Variants in TET1 observed in about 807,000 individuals in gnomAD.
The protein encoded by TET1 is methylcytosine dioxygenase TET1.
In TET1, 13 loss-of-function variants were observed where a neutral mutation model predicts 148.7. The observed-to-expected ratio is 0.09, with a 90% CI of 0.06 to 0.14. The LOEUF is 0.14. Ranked by LOEUF, TET1 falls within the 10% of genes least tolerant of loss-of-function variation. The pLI is 1.00. For missense variants in TET1, 2,182 were observed against 2,553.8 expected (o/e 0.85, Z 3.14); for synonymous variants, 907 against 937.2 (o/e 0.97, Z 0.59).
At chr10:68,684,176 C>T (rs2055477639) in intron 10 of TET1, among the ~76,000 whole-genome samples, 2 of 152,008 alleles carry the variant, frequency 1.3e-5, no homozygotes, top group Admixed American at 6.6e-5. Context: ...ATTGCTTGAG[C>T]CCCGGGAGTT....
At chr10:68,653,532 C>G (rs1044897438) in intron 6 of TET1, among the ~76,000 whole-genome samples, 2 of 152,132 alleles carry the variant, frequency 1.3e-5, no homozygotes, top group Non-Finnish European at 2.9e-5. Context: ...ATCATGTTAA[C>G]AGAATTTGGA....
chr10:68,680,121 G>T (rs140037187), intron 8 of TET1, among the ~76,000 whole-genome samples: 1 of 152,232 alleles, frequency 6.6e-6, no homozygotes, highest in African/African-American at 2.4e-5. Flanking sequence ...TCACACTTAC[G>T]GTTGCTAAGA....
chr10:68,662,934 A>G (rs1436552511), intron 6 of TET1, among the ~76,000 whole-genome samples: 1 of 152,238 alleles, frequency 6.6e-6, no homozygotes, highest in Admixed American at 6.5e-5. Context: ...AAGGAAAAGA[A>G]AACAAAACAA....
chr10:68,678,209 G>A (rs1337153134), intron 8 of TET1, among the ~76,000 whole-genome samples: 2 of 152,222 alleles, frequency 1.3e-5, no homozygotes, highest in Non-Finnish European at 2.9e-5. Context: ...AATCCATGGA[G>A]GGGATAATGG....
chr10:68,584,704 G>A (rs1015172402), intron 2 of TET1, among the ~76,000 whole-genome samples: 3 of 151,928 alleles, frequency 2.0e-5, no homozygotes, highest in East Asian at 2.0e-4. Flanking sequence ...GTGAGACTCC[G>A]TCTCAGGGAA....
chr10:68,581,453 C>T (rs7918752), intron 2 of TET1, among the ~76,000 whole-genome samples: 2,462 of 152,160 alleles, frequency 0.016, 63 homozygotes, highest in African/African-American at 0.055. Context: ...AAAAAAGGAA[C>T]GGGGGACTGT....
chr10:68,641,518 TA>T (rs1177761008), intron 3 of TET1, among the ~76,000 whole-genome samples: 7 of 150,514 alleles, frequency 4.7e-5, no homozygotes, highest in Non-Finnish European at 8.9e-5. Flanking sequence ...TTTATTTGTT[TA>T]TTTTTTTTTA....
At chr10:68,665,407 C>G (rs1005668895) in intron 6 of TET1, among the ~76,000 whole-genome samples, 5 of 152,002 alleles carry the variant, frequency 3.3e-5, no homozygotes, top group Non-Finnish European at 5.9e-5. Context: ...TGAATTTATA[C>G]TCCTCTGCAT....
At position 68,646,745 on chromosome 10, in the gene TET1, G is replaced by A. The variant is rs2133095057; in HGVS notation, c.4016G>A (p.Gly1339Asp). 1 of 1,614,106 alleles carries A rather than the reference G, an allele frequency of 6.2e-7. No individual in the cohort carries two copies. Residue 1339 changes from glycine (G) to aspartate (D), a missense_variant, in exon 4 of 12, where the codon GGT becomes GAT. Coordinates refer to ENST00000373644, the MANE Select transcript of TET1 (RefSeq NM_030625.3). ...LMHQRLPTLP[G>D]ISHETPLPES... The stretch of plus-strand genomic sequence containing the variant: ...CATCAGAGACTGCCAACATTGCCTG[G>A]TATCTCTCATGAAACACCCTTACCG...
chr10:68,643,099 A>G (rs1210502047), intron 3 of TET1, among the ~76,000 whole-genome samples: 1 of 151,842 alleles, frequency 6.6e-6, no homozygotes, highest in African/African-American at 2.4e-5. Context: ...TCTCTACAAC[A>G]AATACAAAAA....
intron 3 of TET1, among the ~76,000 whole-genome samples, chr10:68,609,076 C>T (rs1229635550): frequency 6.6e-6 from 1 of 151,968 alleles, no homozygotes; most frequent in Non-Finnish European, 1.5e-5. Flanking sequence ...CTGCTCACTG[C>T]AGCCAAAACC....
chr10:68,658,714 T>A (rs955390752), intron 6 of TET1, among the ~76,000 whole-genome samples: 2 of 152,114 alleles, frequency 1.3e-5, no homozygotes, highest in Non-Finnish European at 2.9e-5. Context: ...GTTATCTTGT[T>A]CTTCAGTAGA....
intron 3 of TET1, among the ~76,000 whole-genome samples, chr10:68,635,250 A>AG (rs1222777530): frequency 6.6e-6 from 1 of 152,002 alleles, no homozygotes; most frequent in Non-Finnish European, 1.5e-5. Context: ...ATGCCTATCT[A>AG]ATAGGCATTT....
intron 8 of TET1, among the ~76,000 whole-genome samples, chr10:68,676,825 C>CTTGATCAAGTTGTGGAA (rs2055369107): frequency 6.6e-6 from 1 of 152,200 alleles, no homozygotes. Context: ...GTGCAAACTT[C>CTTGATCAAGTTGTGGAA]CTACTTGATG....
chr10:68,681,486 C>A lies in TET1; in HGVS notation c.4912C>A (p.Gln1638Lys). 6.2e-7 allele frequency: 1 copy of A among 1,604,656 alleles called. No homozygotes were observed. The change falls in exon 9 of 12, where the codon CAG becomes AAG. Residue 1638 changes from glutamine (Q) to lysine (K), a missense_variant and splice_region_variant. By Grantham distance (53) the Gln-to-Lys change is moderately conservative. Coordinates refer to ENST00000373644, the MANE Select transcript of TET1 (RefSeq NM_030625.3). ...KQYAPVAYQN[Q>K]VEYENVAREC... ...GTATGCTCCAGTAGCTTACCAAAAT[C>A]AGGTATGTATTGGTATGAACTTTTT... is the stretch of plus-strand genomic sequence containing the variant.
chr10:68,686,468 A>T lies in TET1; in HGVS notation c.5165A>T (p.Lys1722Met). 1 of 1,614,148 alleles carries T rather than the reference A, an allele frequency of 6.2e-7. No individual in the cohort carries two copies. Among genetic ancestry groups the T allele is most frequent in the Non-Finnish European group, 8.5e-7 (1 of 1,180,028 alleles). ...TCAGACACAGATGAGTTTGGCTCCAAGGAAGGAATGGAAGCCAAGATCAAA... is the reference window on the plus strand; with the variant it reads ...TCAGACACAGATGAGTTTGGCTCCATGGAAGGAATGGAAGCCAAGATCAAA... ...KLSDTDEFGS[K>M]EGMEAKIKSG... Residue 1722 changes from lysine to methionine, a missense_variant, in exon 11 of 12, where the codon AAG (lysine) becomes ATG (methionine). Transcript: ENST00000373644.
chr10:68,569,659 C>T (rs949574862), intron 1 of TET1, among the ~76,000 whole-genome samples: 10 of 152,088 alleles, frequency 6.6e-5, no homozygotes, highest in African/African-American at 2.4e-4. Flanking sequence ...GGTTCACACC[C>T]GTAATCTCCG....
At chr10:68,680,691 A>T (rs1408458480) in intron 8 of TET1, among the ~76,000 whole-genome samples, 1 of 152,246 alleles carries the variant, frequency 6.6e-6, no homozygotes, top group African/African-American at 2.4e-5. Context: ...TGATGTCTCT[A>T]TCAGTAGCAA....
chr10:68,576,346 C>T (rs1423398481), intron 2 of TET1, among the ~76,000 whole-genome samples: 1 of 116,128 alleles, frequency 8.6e-6, no homozygotes, highest in African/African-American at 3.1e-5. Context: ...GAGACCCTGT[C>T]TCAAAAAAAA....
Sources: allele counts gnomAD v4.1 joint callset (sites outside exome capture counted in the v4.1 genomes callset), GRCh38; gene constraint gnomAD v4.1.1; transcripts MANE v1.5; gene names NCBI Gene and HGNC (gene_info 2026-07-23, HGNC 2026-07-21).